The following NTRK2 variants were observed in gnomAD, a reference collection of about 807,000 sequenced individuals.
NTRK2 encodes BDNF/NT-3 growth factors receptor.
NTRK2 carries 13 observed loss-of-function variants against 94.5 expected under a neutral mutation model. The observed-to-expected ratio is 0.14, with a 90% CI of 0.09 to 0.22. The LOEUF is 0.22. NTRK2 is among the 10% of genes least tolerant of loss of function. The pLI is 1.00. For synonymous variants in NTRK2, 372 were observed against 407.4 expected, an observed-to-expected ratio of 0.91 and a Z score of 1.05; for missense variants, 639 against 1,071.2, an observed-to-expected ratio of 0.60 and a Z score of 5.63.
rs539212219 is a variant in NTRK2 at position 84,899,239 on chromosome 9, G to T, written c.1633+31808G>T. 2.0e-5 allele frequency among the ~76,000 whole-genome samples: 3 copies of T among 152,234 alleles called. No individual in the cohort carries two copies. The East Asian group carries it at 5.8e-4, about 29-fold the overall frequency. ...CAAACAGGAGTATTAATTTGCTTCA[G>T]AAAATTTGAATGACTTTGAAATTAA... On this transcript the variant is annotated intron_variant, in intron 14 of 18. Transcript: ENST00000277120.
chr9:84,861,128 T>C (rs1251227928), intron 13 of NTRK2, 41 bp downstream of exon 13: 6 of 1,461,988 alleles, frequency 4.1e-6, no homozygotes, highest in Non-Finnish European at 5.8e-6. Context: ...AAGTAATGAG[T>C]CTATGTTTTT....
intron 3 of NTRK2, 43 bp from the exon 4 acceptor site, chr9:84,702,305 C>A (rs755381386): frequency 1.4e-5 from 22 of 1,609,104 alleles, no homozygotes; most frequent in Non-Finnish European, 1.9e-5. Flanking sequence ...GGCAGGCATT[C>A]ACTGGTTCGT....
intron 12 of NTRK2, among the ~76,000 whole-genome samples, chr9:84,852,316 T>C (rs780692339): frequency 2.0e-5 from 3 of 152,214 alleles, no homozygotes; most frequent in Non-Finnish European, 4.4e-5. Context: ...CAGGGAGTCA[T>C]TCATCCAACA....
chr9:84,814,210 T>C (rs2072122032), intron 12 of NTRK2: 11 of 1,065,714 alleles, frequency 1.0e-5, no homozygotes, highest in Non-Finnish European at 1.3e-5. Flanking sequence ...AGTTTGCTTT[T>C]GGCTTCTCAC....
intron 12 of NTRK2, among the ~76,000 whole-genome samples, chr9:84,820,377 C>T (rs1010509329): frequency 4.6e-5 from 7 of 151,982 alleles, no homozygotes; most frequent in Admixed American, 1.3e-4. Context: ...ACCATGTTGG[C>T]CAGGCTGATC....
intron 14 of NTRK2, among the ~76,000 whole-genome samples, chr9:84,908,534 T>C (rs1445822791): frequency 6.6e-6 from 1 of 152,364 alleles, no homozygotes. Flanking sequence ...TTAATATTTC[T>C]CTCATTTGCA....
chr9:84,677,097 C>A (rs2059108231), intron 2 of NTRK2, among the ~76,000 whole-genome samples: 1 of 152,058 alleles, frequency 6.6e-6, no homozygotes, highest in Non-Finnish European at 1.5e-5. Flanking sequence ...GCCTGCTGGG[C>A]CATCTTTGCA....
intron 17 of NTRK2, among the ~76,000 whole-genome samples, chr9:84,995,589 C>T (rs184617125): frequency 7.7e-4 from 118 of 152,286 alleles, no homozygotes; most frequent in African/African-American, 2.8e-3. Flanking sequence ...CTGCCACACA[C>T]TTGGGCAAGT....
intron 14 of NTRK2, among the ~76,000 whole-genome samples, chr9:84,926,149 C>T (rs1355154177): frequency 1.1e-5 from 1 of 88,972 alleles, no homozygotes; most frequent in African/African-American, 3.8e-5. Context: ...TTCCTTCCTT[C>T]CTTCCTTCCT....
chr9:84,701,693 G>T (rs3780629), intron 2 of NTRK2, among the ~76,000 whole-genome samples: 1 of 152,162 alleles, frequency 6.6e-6, no homozygotes, highest in African/African-American at 2.4e-5. Flanking sequence ...TAGGGAAAAC[G>T]CACCTTAGTA....
At chr9:84,957,216 G>T (rs1824247679) in intron 17 of NTRK2, among the ~76,000 whole-genome samples, 1 of 152,168 alleles carries the variant, frequency 6.6e-6, no homozygotes. Context: ...TCTCTCTGCA[G>T]TATTAGTAAA....
intron 13 of NTRK2, among the ~76,000 whole-genome samples, chr9:84,864,153 C>T (rs903270971): frequency 9.2e-5 from 14 of 152,186 alleles, no homozygotes; most frequent in African/African-American, 3.4e-4. Context: ...TTGAATGCTG[C>T]TCTGATGTTC....
At chr9:84,726,990 A>G (rs1416128416) in intron 8 of NTRK2, among the ~76,000 whole-genome samples, 1 of 152,224 alleles carries the variant, frequency 6.6e-6, no homozygotes, top group Admixed American at 6.5e-5. Context: ...CCAAACATTT[A>G]AAAGATCTAA....
chr9:84,798,454 T>C (rs1429866213), intron 12 of NTRK2, among the ~76,000 whole-genome samples: 2 of 152,212 alleles, frequency 1.3e-5, no homozygotes, highest in Admixed American at 1.3e-4. Context: ...CATATTGTAT[T>C]TCATTCTAGC....
At chr9:84,788,915 C>T (rs2068425938) in intron 12 of NTRK2, among the ~76,000 whole-genome samples, 1 of 152,190 alleles carries the variant, frequency 6.6e-6, no homozygotes, top group South Asian at 2.1e-4. Flanking sequence ...AGTCATTAGC[C>T]TAGAGGTAAG....
chr9:85,014,156 A>C (rs1831953013), intron 17 of NTRK2, among the ~76,000 whole-genome samples: 1 of 152,184 alleles, frequency 6.6e-6, no homozygotes, highest in Non-Finnish European at 1.5e-5. Flanking sequence ...GGTCTGGACA[A>C]GTGAGATTTG....
chr9:85,003,618 A>T (rs1490148067), intron 17 of NTRK2, among the ~76,000 whole-genome samples: 6 of 152,106 alleles, frequency 3.9e-5, no homozygotes, highest in Non-Finnish European at 8.8e-5. Context: ...TTCCGAGTAC[A>T]GTGGAAGATG....
At chr9:84,908,151 C>A (rs2077131174) in intron 14 of NTRK2, among the ~76,000 whole-genome samples, 1 of 152,224 alleles carries the variant, frequency 6.6e-6, no homozygotes, top group Admixed American at 6.5e-5. Flanking sequence ...ACAAAGGAGT[C>A]TGTTTCATTT....
At chr9:84,884,806 A>T (rs933601985) in intron 14 of NTRK2, among the ~76,000 whole-genome samples, 2 of 152,374 alleles carry the variant, frequency 1.3e-5, no homozygotes, top group East Asian at 3.9e-4. Flanking sequence ...GATGCTGAAC[A>T]CTAATTATAC....
Sources: allele counts gnomAD v4.1 joint callset (sites outside exome capture counted in the v4.1 genomes callset), GRCh38; gene constraint gnomAD v4.1.1; transcripts MANE v1.5; gene names NCBI Gene and HGNC (gene_info 2026-07-23, HGNC 2026-07-21).